Variants in PIK3R5 observed in about 807,000 individuals in gnomAD.
PIK3R5 encodes the protein phosphoinositide-3-kinase regulatory subunit 5, also known as phosphoinositide 3-kinase regulatory subunit 5.
PIK3R5 carries 32 observed loss-of-function variants against 94.9 expected under a neutral mutation model. That is an observed-to-expected ratio of 0.34 (90% CI 0.25 to 0.45). PIK3R5 has a LOEUF of 0.45. Among genes scored for constraint, PIK3R5 ranks in the 20% least tolerant of loss-of-function variants. The pLI, the probability that PIK3R5 is intolerant of heterozygous loss-of-function variation, is 1.00. For missense variants in PIK3R5, 853 were observed against 1,144.6 expected (o/e 0.75, Z 3.68); for synonymous variants, 443 against 479.4 (o/e 0.92, Z 0.99).
intron 1 of PIK3R5, among the ~76,000 whole-genome samples, chr17:8,914,539 G>A (rs1373696425): frequency 6.6e-6 from 1 of 152,208 alleles, no homozygotes; most frequent in East Asian, 1.9e-4. Context: ...GAGAAAAAGG[G>A]TTGTCAGCCC....
chr17:8,887,829 CT>C, intron 10 of PIK3R5, 146 bp from the exon 11 acceptor site: 2 of 580,518 alleles, frequency 3.4e-6, no homozygotes, highest in Non-Finnish European at 2.8e-6. Context: ...CCCATCTCTA[CT>C]AAGACAAAAA....
At chr17:8,942,412 G>T (rs2091198342) in intron 1 of PIK3R5, among the ~76,000 whole-genome samples, 1 of 151,878 alleles carries the variant, frequency 6.6e-6, no homozygotes, top group Non-Finnish European at 1.5e-5. Context: ...CCCCACTGCT[G>T]CCTCACCCAT....
At chr17:8,908,329 C>G (rs1416371080) in intron 3 of PIK3R5, among the ~76,000 whole-genome samples, 1 of 152,076 alleles carries the variant, frequency 6.6e-6, no homozygotes, top group East Asian at 1.9e-4. Context: ...ACACGGTGAT[C>G]CAGACTTTCC....
chr17:8,906,799 A>T (rs1319651312), intron 3 of PIK3R5, among the ~76,000 whole-genome samples: 1 of 151,794 alleles, frequency 6.6e-6, no homozygotes, highest in Non-Finnish European at 1.5e-5. Flanking sequence ...TCTGTCTCCA[A>T]AAAAAAAGGA....
intron 3 of PIK3R5, among the ~76,000 whole-genome samples, chr17:8,906,496 T>G (rs1029357256): frequency 4.6e-5 from 7 of 152,224 alleles, no homozygotes; most frequent in Non-Finnish European, 7.3e-5. Context: ...CAGGTGTTGA[T>G]TTTTCCTTCA....
At chr17:8,913,479 G>A (rs2090569182) in intron 1 of PIK3R5, among the ~76,000 whole-genome samples, 1 of 152,212 alleles carries the variant, frequency 6.6e-6, no homozygotes, top group Non-Finnish European at 1.5e-5. Flanking sequence ...GGCCAAGGTG[G>A]GCGGATCACT....
At position 8,935,209 on chromosome 17, in the gene PIK3R5, C is replaced by T. The variant is rs958000008; in HGVS notation, c.-13-23702G>A. ...TTCTCTAGCGGGCTTTCAACTCTGA[C>T]GTCAATGTCCCATCTAACATAATGG... On this transcript the variant is annotated intron_variant, in intron 1 of 18. Coordinates refer to ENST00000447110, the MANE Select transcript of PIK3R5 (RefSeq NM_001142633.3). This position sits in a 1 kb window ranked among gnomAD's most constrained non-coding sequence, Gnocchi z 4.5. Among the ~76,000 whole-genome samples the T allele has an allele frequency of 2.0e-5, 3 of 152,140 alleles. No individual in the cohort carries two copies. The highest frequency in any genetic ancestry group is 1.9e-4 in the East Asian group (1 of 5,188).
intron 2 of PIK3R5, among the ~76,000 whole-genome samples, chr17:8,910,111 G>T (rs1394904365): frequency 6.6e-6 from 1 of 152,172 alleles, no homozygotes; most frequent in Admixed American, 6.5e-5. Context: ...AAATTAAAGC[G>T]ACAGCCTGGG....
intron 1 of PIK3R5, among the ~76,000 whole-genome samples, chr17:8,929,948 C>T (rs1373458374): frequency 2.0e-5 from 3 of 152,112 alleles, no homozygotes; most frequent in African/African-American, 4.8e-5. Context: ...CACCTGTACC[C>T]CAAAAGCGAT....
At chr17:8,932,524 C>T (rs1031989907) in intron 1 of PIK3R5, among the ~76,000 whole-genome samples, 19 of 152,178 alleles carry the variant, frequency 1.2e-4, no homozygotes, top group Admixed American at 9.2e-4. Context: ...TGTGAGCCAC[C>T]GCACCCGGCC....
At chr17:8,915,110 C>T (rs951473658) in intron 1 of PIK3R5, among the ~76,000 whole-genome samples, 1 of 151,754 alleles carries the variant, frequency 6.6e-6, no homozygotes, top group Non-Finnish European at 1.5e-5. Flanking sequence ...ATTCATGTTT[C>T]TACTTCAACA....
At chr17:8,914,288 G>C (rs1318519687) in intron 1 of PIK3R5, among the ~76,000 whole-genome samples, 1 of 152,214 alleles carries the variant, frequency 6.6e-6, no homozygotes, top group Non-Finnish European at 1.5e-5. Flanking sequence ...GTTCGAGGCA[G>C]CTGGGAGAGA....
chr17:8,957,552 T>C (rs1479818740), intron 1 of PIK3R5, among the ~76,000 whole-genome samples: 2 of 152,202 alleles, frequency 1.3e-5, no homozygotes, highest in Non-Finnish European at 2.9e-5. Flanking sequence ...TATCTCTGGA[T>C]ATGAAGTGGT....
At chr17:8,901,031 G>A (rs187214074) in intron 5 of PIK3R5, among the ~76,000 whole-genome samples, 47 of 152,254 alleles carry the variant, frequency 3.1e-4, no homozygotes, top group Non-Finnish European at 1.0e-4. Flanking sequence ...GAGCGTACTC[G>A]AAAGGAAGAA....
chr17:8,895,517 C>T (rs998595093), intron 5 of PIK3R5, among the ~76,000 whole-genome samples: 4 of 152,182 alleles, frequency 2.6e-5, no homozygotes, highest in African/African-American at 9.6e-5. Flanking sequence ...GCAACATTTT[C>T]CCCGTCCCCA....
At chr17:8,902,249 A>ATTTTTT (rs397960477) in intron 5 of PIK3R5, among the ~76,000 whole-genome samples, 1 of 77,192 alleles carries the variant, frequency 1.3e-5, no homozygotes, top group African/African-American at 5.4e-5. Flanking sequence ...TGATATATTA[A>ATTTTTT]TTTTTTTTTT....
At chr17:8,929,732 T>C (rs918767643) in intron 1 of PIK3R5, among the ~76,000 whole-genome samples, 5 of 152,134 alleles carry the variant, frequency 3.3e-5, no homozygotes, top group African/African-American at 1.2e-4. Context: ...TACCACATGT[T>C]CTCACTTTTA....
chr17:8,881,894 T>A lies in PIK3R5; in HGVS notation c.2206-13A>T. 6.2e-7 allele frequency: 1 copy of A among 1,606,998 alleles called. No homozygotes were observed. The highest frequency in any genetic ancestry group is 8.5e-7 in the Non-Finnish European group (1 of 1,175,084). ...CACTGATGGCCCCCTGGAAATGCAG[T>A]GTAGCCAGACCCTCTGAGTCCAGAG... On this transcript the variant is annotated splice_polypyrimidine_tract_variant and intron_variant, in intron 15 of 18. Coordinates refer to ENST00000447110, the MANE Select transcript of PIK3R5 (RefSeq NM_001142633.3). The surrounding 1 kb of genome is among the most constrained non-coding windows in gnomAD (Gnocchi z 4.8).
Position 8,955,252 on chromosome 17 carries a change from C to T in PIK3R5, c.-14+10344G>A, listed in dbSNP as rs988748205. Among the ~76,000 whole-genome samples, 3 of 152,334 alleles carry T rather than the reference C, an allele frequency of 2.0e-5. No individual in the cohort carries two copies. In the South Asian group the frequency reaches 6.2e-4, roughly 32 times the overall value. ...GGCCTCTTCCATGCTGGCTGCTCGA[C>T]CAGGCAATCACTCATTCAGCAAGCA... On this transcript the variant is annotated intron_variant, in intron 1 of 18. Transcript: ENST00000447110. This position sits in a 1 kb window ranked among gnomAD's most constrained non-coding sequence, Gnocchi z 4.4.
Sources: gnomAD v4.1 joint callset for allele counts (sites outside exome capture counted in the v4.1 genomes callset) on GRCh38, gnomAD v4.1.1 for gene constraint, Gnocchi (gnomAD v3.1) non-coding constraint, MANE v1.5 for transcripts, NCBI Gene and HGNC (gene_info 2026-07-23, HGNC 2026-07-21) for gene names.